Variants in NAV3 observed in about 807,000 individuals in gnomAD.
NAV3 encodes the protein neuron navigator 3, also known as pore membrane and/or filament interacting like protein 1.
A neutral mutation model predicts 244.7 loss-of-function variants in NAV3; 87 were observed. The observed-to-expected ratio is 0.36, with a 90% CI of 0.30 to 0.42. NAV3 has a LOEUF of 0.42. NAV3 is among the 20% of genes least tolerant of loss of function. NAV3 has a pLI of 1.00. For synonymous variants in NAV3, 1,126 were observed against 1,042.2 expected (o/e 1.08, Z -1.55); for missense variants, 2,663 against 2,893.3 (o/e 0.92, Z 1.83).
At chr12:78,136,681 T>A (rs1410203069) in intron 18 of NAV3, among the ~76,000 whole-genome samples, 1 of 152,188 alleles carries the variant, frequency 6.6e-6, no homozygotes, top group Non-Finnish European at 1.5e-5. Context: ...ATAATGATGG[T>A]CCTAATCATG....
intron 2 of NAV3, among the ~76,000 whole-genome samples, chr12:77,658,777 CA>C (rs1367199423): frequency 6.6e-6 from 1 of 151,708 alleles, no homozygotes; most frequent in Non-Finnish European, 1.5e-5. Flanking sequence ...ATCAATGGAA[CA>C]GAACAGAGCC....
chr12:77,762,428 A>G (rs925295812), intron 2 of NAV3, among the ~76,000 whole-genome samples: 1 of 151,882 alleles, frequency 6.6e-6, no homozygotes, highest in Non-Finnish European at 1.5e-5. Context: ...AAAGTACAAT[A>G]AAAAATAAAA....
intron 2 of NAV3, among the ~76,000 whole-genome samples, chr12:77,690,600 C>T (rs772330818): frequency 1.5e-4 from 22 of 150,490 alleles, no homozygotes; most frequent in Non-Finnish European, 2.7e-4. Flanking sequence ...TAGGTTTTTG[C>T]GGCCAGAAAT....
upstream of NAV3, among the ~76,000 whole-genome samples, chr12:77,829,508 C>T (rs1015968033): frequency 6.6e-6 from 1 of 152,082 alleles, no homozygotes; most frequent in Non-Finnish European, 1.5e-5. Flanking sequence ...TGAACTAAAC[C>T]TCATTTTACG....
chr12:78,190,189 C>T lies in NAV3; in HGVS notation c.6261C>T (p.Ala2087=). Residue 2087 remains alanine, a synonymous_variant, in exon 34 of 40, where the codon GCC becomes GCT. Coordinates refer to ENST00000397909, the MANE Select transcript of NAV3 (RefSeq NM_001024383.2). The part of the protein sequence containing the change: ...SGRKKTEDAI[A]TFNVDHKSSK... ...GGAAAAAAACAGAGGATGCAATTGC[C>T]ACTTTTAATGTGGACCACAAGTCAA... The T allele has an allele frequency of 3.7e-6, 6 of 1,612,332 alleles. No homozygotes were observed. Among genetic ancestry groups the T allele is most frequent in the Non-Finnish European group, 5.1e-6 (6 of 1,179,252 alleles).
chr12:77,586,987 G>A (rs1869645106), intron 2 of NAV3, among the ~76,000 whole-genome samples: 1 of 152,166 alleles, frequency 6.6e-6, no homozygotes, highest in Non-Finnish European at 1.5e-5. Flanking sequence ...GATTTTAGAG[G>A]TGAGTTAGAC....
At chr12:77,973,115 G>A (rs940901316) in intron 5 of NAV3, among the ~76,000 whole-genome samples, 10 of 152,044 alleles carry the variant, frequency 6.6e-5, no homozygotes, top group African/African-American at 2.4e-4. Context: ...TAAAAGACGT[G>A]ATTTTTCTTA....
chr12:78,113,185 G>A (rs1955190695), intron 12 of NAV3, among the ~76,000 whole-genome samples: 1 of 152,254 alleles, frequency 6.6e-6, no homozygotes. Flanking sequence ...GCTTTTACAA[G>A]CTAGTGTTGA....
chr12:77,607,926 C>T (rs1173201294), intron 2 of NAV3, among the ~76,000 whole-genome samples: 1 of 152,058 alleles, frequency 6.6e-6, no homozygotes, highest in Non-Finnish European at 1.5e-5. Flanking sequence ...GGGATTAAAT[C>T]AAATGATCTA....
chr12:78,082,465 T>C (rs1953408499), intron 12 of NAV3, among the ~76,000 whole-genome samples: 1 of 152,234 alleles, frequency 6.6e-6, no homozygotes, highest in Non-Finnish European at 1.5e-5. Context: ...AAATTGATTT[T>C]TCTCGGAAGT....
intron 38 of NAV3, among the ~76,000 whole-genome samples, chr12:78,202,593 C>A (rs1959828437): frequency 6.6e-6 from 1 of 151,948 alleles, no homozygotes; most frequent in African/African-American, 2.4e-5. Flanking sequence ...CAAACTAAAA[C>A]TGAGAGATAT....
At chr12:78,141,520 T>C (rs976897952) in intron 20 of NAV3, among the ~76,000 whole-genome samples, 6 of 152,162 alleles carry the variant, frequency 3.9e-5, no homozygotes, top group Admixed American at 2.6e-4. Flanking sequence ...AGTATTTTTT[T>C]CACTCATTAT....
intron 33 of NAV3, among the ~76,000 whole-genome samples, chr12:78,189,076 C>T (rs1372773888): frequency 1.3e-5 from 2 of 151,776 alleles, no homozygotes; most frequent in African/African-American, 2.4e-5. Flanking sequence ...TATCATCCTT[C>T]ATTACAGGAG....
At chr12:77,741,146 G>GAAAAAAAAAAAAAAAAAAAAAAAAAAAAA (rs1393220189) in intron 2 of NAV3, among the ~76,000 whole-genome samples, 1 of 7,370 alleles carries the variant, frequency 1.4e-4, no homozygotes. Context: ...AAAAAAAAAA[G>GAAAAAAAAAAAAAAAAAAAAAAAAAAAAA]ACAAAAAAAA....
chr12:77,823,138 G>C (rs1002620219), intron 2 of NAV3, among the ~76,000 whole-genome samples: 1 of 152,182 alleles, frequency 6.6e-6, no homozygotes, highest in African/African-American at 2.4e-5. Flanking sequence ...CCACAGAGTA[G>C]AGATGGAGAA....
intron 12 of NAV3, among the ~76,000 whole-genome samples, chr12:78,088,066 C>G (rs1394451864): frequency 6.6e-6 from 1 of 150,566 alleles, no homozygotes; most frequent in Admixed American, 6.6e-5. Context: ...CATGATATAT[C>G]TCATATATAT....
At chr12:77,990,225 C>G (rs1160489804) in intron 5 of NAV3, among the ~76,000 whole-genome samples, 1 of 152,138 alleles carries the variant, frequency 6.6e-6, no homozygotes, top group Non-Finnish European at 1.5e-5. Context: ...AGATCAGTCT[C>G]AAATTCACCT....
At chr12:77,909,785 C>T (rs1886390875) in intron 1 of NAV3, among the ~76,000 whole-genome samples, 2 of 151,924 alleles carry the variant, frequency 1.3e-5, no homozygotes, top group Non-Finnish European at 2.9e-5. Context: ...TTGAAATAGA[C>T]TAGCATCAGA....
chr12:77,712,400 GCT>G (rs987863793), intron 2 of NAV3, among the ~76,000 whole-genome samples: 3 of 152,032 alleles, frequency 2.0e-5, no homozygotes, highest in African/African-American at 7.3e-5. Context: ...ATGCACATGG[GCT>G]CTCTCTATGG....
Sources: allele counts gnomAD v4.1 joint callset (sites outside exome capture counted in the v4.1 genomes callset), GRCh38; gene constraint gnomAD v4.1.1; transcripts MANE v1.5; gene names NCBI Gene and HGNC (gene_info 2026-07-23, HGNC 2026-07-21).